ALKBH3: variants seen among roughly 807,000 people sequenced by gnomAD.
The protein encoded by ALKBH3 is alkB homolog 3, alpha-ketoglutarate dependent dioxygenase, also known as alpha-ketoglutarate-dependent dioxygenase alkB homolog 3.
ALKBH3 carries 51 observed loss-of-function variants against 43.9 expected under a neutral mutation model. That is an observed-to-expected ratio of 1.16 (90% CI 0.93 to 1.47). The LOEUF (loss-of-function observed/expected upper bound fraction) is 1.47. ALKBH3 is among the 40% of genes most tolerant of loss of function. The pLI is 0.00. For missense variants in ALKBH3, 361 were observed against 351.9 expected (o/e 1.03, Z -0.21); for synonymous variants, 102 against 115.2 (o/e 0.89, Z 0.73).
chr11:43,918,060 A>G (rs775431175), intron 8 of ALKBH3, among the ~76,000 whole-genome samples: 2 of 152,222 alleles, frequency 1.3e-5, no homozygotes, highest in Non-Finnish European at 1.5e-5. Context: ...CAGTAACCCA[A>G]ATGTAACCCT....
Position 43,884,066 on chromosome 11 carries a change from GA to G in ALKBH3, c.218+50del, listed in dbSNP as rs113757763. ...TAATTGTTGCCCACAGTGAAATGAAGAGCCTGGAATCTTTCCTCACTGTTTT... is the reference window on the plus strand; with the variant it reads ...TAATTGTTGCCCACAGTGAAATGAAGGCCTGGAATCTTTCCTCACTGTTTT... On this transcript the variant is annotated intron_variant, in intron 4 of 9. Transcript: ENST00000302708. 407 of 1,606,478 alleles carry G rather than the reference GA, an allele frequency of 2.5e-4. 2 individuals carry two copies. In the African/African-American group the frequency reaches 4.8e-3, roughly 19 times the overall value.
At chr11:43,893,812 G>C (rs1473537867) in intron 7 of ALKBH3, among the ~76,000 whole-genome samples, 1 of 151,974 alleles carries the variant, frequency 6.6e-6, no homozygotes, top group Non-Finnish European at 1.5e-5. Context: ...TGCCTTTATT[G>C]GTGATATATT....
chr11:43,911,572 A>C (rs944301801), intron 8 of ALKBH3, among the ~76,000 whole-genome samples: 1 of 152,224 alleles, frequency 6.6e-6, no homozygotes, highest in Admixed American at 6.5e-5. Context: ...TAAAACGCTA[A>C]TAATAAATAA....
intron 8 of ALKBH3, among the ~76,000 whole-genome samples, chr11:43,913,890 C>T (rs1459561044): frequency 1.3e-5 from 2 of 152,208 alleles, no homozygotes; most frequent in Non-Finnish European, 2.9e-5. Flanking sequence ...AAATTTATAA[C>T]TCAGGAAATT....
At position 43,901,685 on chromosome 11, in the gene ALKBH3, G is replaced by A. The variant is rs1242583496; in HGVS notation, c.629G>A (p.Gly210Asp). 6.2e-7 allele frequency: 1 copy of A among 1,614,076 alleles called. No homozygotes were observed. The highest frequency in any genetic ancestry group is 8.5e-7 in the Non-Finnish European group (1 of 1,180,052). ...RCPIIASLSF[G>D]ATRTFEMRKK... ...CCCATTATTGCTTCACTAAGTTTTG[G>A]TGCCACACGCACATTTGAGATGAGA... The change falls in exon 8 of 10, where the codon GGT becomes GAT. Residue 210 changes from glycine (G) to aspartate (D), a missense_variant. By Grantham distance (94) the Gly-to-Asp change is moderately conservative. Transcript: ENST00000302708.
intron 7 of ALKBH3, among the ~76,000 whole-genome samples, chr11:43,895,796 A>G (rs1202198897): frequency 6.6e-6 from 1 of 152,240 alleles, no homozygotes; most frequent in African/African-American, 2.4e-5. Flanking sequence ...CTCTGCTAGT[A>G]GTCATTGTGT....
intron 7 of ALKBH3, chr11:43,898,825 A>T: frequency 2.6e-6 from 2 of 765,990 alleles, no homozygotes; most frequent in South Asian, 2.7e-5. Flanking sequence ...TTATGCAGGA[A>T]ATGACTACCA....
chr11:43,883,198 T>A lies in ALKBH3; in HGVS notation c.183+10T>A. The A allele has an allele frequency of 6.2e-7, 1 of 1,604,284 alleles. No individual in the cohort carries two copies. Among genetic ancestry groups the A allele is most frequent in the Non-Finnish European group, 8.5e-7 (1 of 1,173,530 alleles). On this transcript the variant is annotated intron_variant, in intron 3 of 9. Transcript: ENST00000302708. ...CAAAGAACCTCAGCAGGTAAATTCA[T>A]GGTTTTTTCTTCAATAGTGATAAAA... is the stretch of plus-strand genomic sequence containing the variant.
intron 4 of ALKBH3, among the ~76,000 whole-genome samples, chr11:43,885,374 G>A (rs1407450178): frequency 1.3e-5 from 2 of 152,188 alleles, no homozygotes; most frequent in African/African-American, 4.8e-5. Context: ...AAACATTATA[G>A]ACGATGCATG....
chr11:43,919,265 A>T, intron 9 of ALKBH3, 129 bp downstream of exon 9: 2 of 775,144 alleles, frequency 2.6e-6, no homozygotes, highest in East Asian at 5.0e-5. Flanking sequence ...ATGAGCTGAC[A>T]TTCTTTCCAA....
intron 7 of ALKBH3, chr11:43,898,819 G>T: frequency 2.6e-6 from 2 of 765,966 alleles, no homozygotes; most frequent in Non-Finnish European, 4.9e-6. Context: ...CCTCATTTAT[G>T]CAGGAAATGA....
At chr11:43,893,110 C>T (rs926341450) in intron 7 of ALKBH3, among the ~76,000 whole-genome samples, 1 of 152,214 alleles carries the variant, frequency 6.6e-6, no homozygotes. Flanking sequence ...GTAGTCATAG[C>T]AGAGAATTTG....
In ALKBH3 at chr11:43,892,061, A is replaced by T. The variant is rs1270412219; in HGVS notation, c.391A>T (p.Arg131Ter). 2 of 1,613,334 alleles carry T rather than the reference A, an allele frequency of 1.2e-6. No individual in the cohort carries two copies. The highest frequency in any genetic ancestry group is 3.3e-5 in the Admixed American group (2 of 60,014). ...CTTAGATATAACTTATCAGCAACCA[A>T]GACTTACAGCATGGTATGGAGAACT... ...IREDITYQQP[R>*]LTAWYGELPY... The change falls in exon 7 of 10, where the codon AGA becomes TGA. Residue 131 changes from arginine to a stop codon, truncating the protein, a stop_gained. Transcript: ENST00000302708. LOFTEE classifies it high-confidence loss of function.
intron 4 of ALKBH3, among the ~76,000 whole-genome samples, chr11:43,885,588 A>G (rs1313896478): frequency 6.6e-6 from 1 of 152,182 alleles, no homozygotes; most frequent in Non-Finnish European, 1.5e-5. Flanking sequence ...AGATATACCT[A>G]TCCAGTCTGT....
chr11:43,896,942 A>C (rs1489404053), intron 7 of ALKBH3, among the ~76,000 whole-genome samples: 1 of 148,616 alleles, frequency 6.7e-6, no homozygotes, highest in Non-Finnish European at 1.5e-5. Flanking sequence ...TATTTAAAGC[A>C]TTTTTTTTTT....
At chr11:43,889,975 G>A in intron 6 of ALKBH3, 147 bp downstream of exon 6, 2 of 664,968 alleles carry the variant, frequency 3.0e-6, no homozygotes, top group Admixed American at 2.8e-5. Context: ...AGCCAAAAAG[G>A]ACAGGGAAGA....
intron 8 of ALKBH3, chr11:43,909,185 T>C (rs1333766363): frequency 2.0e-5 from 3 of 152,266 alleles, no homozygotes; most frequent in Non-Finnish European, 2.9e-5. Context: ...AGATCTTATT[T>C]CAGAAACAGC....
intron 8 of ALKBH3, chr11:43,912,602 A>C (rs1036839050): frequency 6.6e-6 from 1 of 152,200 alleles, no homozygotes; most frequent in African/African-American, 2.4e-5. Context: ...TGCTCATCTA[A>C]GGAATCAGAG....
intron 8 of ALKBH3, among the ~76,000 whole-genome samples, chr11:43,908,114 G>C (rs1951909016): frequency 6.6e-6 from 1 of 152,200 alleles, no homozygotes; most frequent in Non-Finnish European, 1.5e-5. Flanking sequence ...TCTATCACCT[G>C]GCTCTGTGAG....
Sources: allele counts gnomAD v4.1 joint callset (sites outside exome capture counted in the v4.1 genomes callset), GRCh38; gene constraint gnomAD v4.1.1; transcripts MANE v1.5; gene names NCBI Gene and HGNC (gene_info 2026-07-23, HGNC 2026-07-21).